LIFR: variants seen among roughly 807,000 people sequenced by gnomAD.
LIFR encodes the protein LIF receptor subunit alpha.
LIFR carries 84 observed loss-of-function variants against 122.2 expected under a neutral mutation model. The observed-to-expected ratio is 0.69, with a 90% confidence interval of 0.58 to 0.82. The LOEUF is 0.82. Among genes scored for constraint, LIFR ranks in the 40% least tolerant of loss-of-function variants. The pLI is 0.00. For synonymous variants in LIFR, 422 were observed against 434.7 expected (o/e 0.97, Z 0.36); for missense variants, 1,294 against 1,311.6 (o/e 0.99, Z 0.21).
chr5:38,538,307 A>G (rs1667821417), intron 1 of LIFR, among the ~76,000 whole-genome samples: 1 of 152,190 alleles, frequency 6.6e-6, no homozygotes, highest in Non-Finnish European at 1.5e-5. Context: ...TGGCTATAAC[A>G]TCACTTGTAT....
rs1003571375 is a variant in LIFR at position 38,474,873 on chromosome 5, T to C, written c.*6722A>G. On this transcript the variant is annotated 3_prime_UTR_variant, in exon 20 of 20. Coordinates refer to ENST00000453190, the MANE Select transcript of LIFR (RefSeq NM_001127671.2). ...TACAACCACTGTATTTCTTACGGGA[T>C]AGAACAAAAAAATACAACAACAAAG... is the stretch of plus-strand genomic sequence containing the variant. The C allele has an allele frequency of 2.6e-5, 4 of 154,354 alleles. No individual in the cohort carries two copies. Among genetic ancestry groups the C allele is most frequent in the African/African-American group, 9.6e-5 (4 of 41,502 alleles). The allele number at this position is 154,354 out of a possible 1,614,324, so 9.6% of individuals were successfully genotyped here.
At chr5:38,513,875 C>T (rs1474421806) in intron 5 of LIFR, among the ~76,000 whole-genome samples, 4 of 151,368 alleles carry the variant, frequency 2.6e-5, no homozygotes, top group Admixed American at 1.3e-4. Flanking sequence ...AGAAAGTGTA[C>T]AAGAAATTCT....
chr5:38,593,601 G>C (rs1243138143), intron 1 of LIFR, among the ~76,000 whole-genome samples: 2 of 152,122 alleles, frequency 1.3e-5, no homozygotes, highest in Non-Finnish European at 2.9e-5. Flanking sequence ...GGGTAGATGA[G>C]AGGGGCACAT....
chr5:38,541,079 G>C (rs944673886), intron 1 of LIFR, among the ~76,000 whole-genome samples: 5 of 151,996 alleles, frequency 3.3e-5, no homozygotes, highest in Non-Finnish European at 5.9e-5. Context: ...AAAATCTTAA[G>C]CATCATCTTA....
intron 1 of LIFR, among the ~76,000 whole-genome samples, chr5:38,574,334 C>A (rs1343453102): frequency 5.9e-5 from 9 of 152,108 alleles, no homozygotes; most frequent in African/African-American, 2.2e-4. Context: ...CTTGGCCTGG[C>A]TCATGTCTAC....
Position 38,530,563 on chromosome 5 carries a change from GC to G in LIFR, c.84del (p.Trp28CysfsTer11). 1 of 1,612,858 alleles carries G rather than the reference GC, an allele frequency of 6.2e-7. No homozygotes were observed. Among genetic ancestry groups the G allele is most frequent in the Non-Finnish European group, 8.5e-7 (1 of 1,178,892 alleles). On this transcript the variant is annotated frameshift_variant, in exon 2 of 20. Transcript: ENST00000453190. LOFTEE classifies it high-confidence loss of function. ...TATAGAAGAATAAATGTTGATAACA[GC>G]CACTGGAAATTTGAAGCAGTCCTCA... ...KRMRTASNFQ[W>X]LLSTFILLYL...
intron 4 of LIFR, 133 bp from the exon 5 acceptor site, chr5:38,523,715 GA>G (rs1746527743): frequency 1.4e-6 from 1 of 737,402 alleles, no homozygotes; most frequent in Non-Finnish European, 2.3e-6. Context: ...GATTTAAAAG[GA>G]AACTCTAGAA....
chr5:38,602,623 A>C (rs1410703315), intron 2 of LIFR, among the ~76,000 whole-genome samples: 2 of 152,038 alleles, frequency 1.3e-5, no homozygotes, highest in Non-Finnish European at 2.9e-5. Context: ...TGAGTTCTTC[A>C]AGGACAGGGG....
intron 11 of LIFR, among the ~76,000 whole-genome samples, chr5:38,501,608 C>T (rs759176526): frequency 6.6e-6 from 1 of 151,850 alleles, no homozygotes; most frequent in African/African-American, 2.4e-5. Flanking sequence ...AAAAATTAGC[C>T]GGGCGTGGTG....
chr5:38,510,608 C>T lies in LIFR; in HGVS notation c.847G>A (p.Gly283Ser). 1.2e-6 allele frequency: 2 copies of T among 1,613,992 alleles called. No individual in the cohort carries two copies. The highest frequency in any genetic ancestry group is 1.7e-6 in the Non-Finnish European group (2 of 1,179,946). Residue 283 changes from glycine (G) to serine (S), a missense_variant, in exon 7 of 20, where the codon GGC (glycine) becomes AGC (serine). Coordinates refer to ENST00000453190, the MANE Select transcript of LIFR (RefSeq NM_001127671.2). Reference protein sequence around the residue: ...SQEKVLSALIGHTNCPLIHLD... With the variant: ...SQEKVLSALISHTNCPLIHLD... Reference sequence around the variant, plus strand: ...TGGATCAAGGGGCAGTTTGTATGGCCAATCAGTGCTGATAACACTTTTTCT... The same window carrying T: ...TGGATCAAGGGGCAGTTTGTATGGCTAATCAGTGCTGATAACACTTTTTCT...
intron 1 of LIFR, among the ~76,000 whole-genome samples, chr5:38,549,996 C>T (rs1177248313): frequency 1.3e-5 from 2 of 152,106 alleles, no homozygotes; most frequent in African/African-American, 2.4e-5. Context: ...GAGTATGGTG[C>T]ACAAATGCAC....
intron 1 of LIFR, among the ~76,000 whole-genome samples, chr5:38,538,326 C>T (rs1398687398): frequency 6.6e-6 from 1 of 152,196 alleles, no homozygotes; most frequent in Admixed American, 6.5e-5. Context: ...ATGCTAATTA[C>T]TTCCAAATCC....
chr5:38,506,740 TTAC>T (rs1745508357), intron 7 of LIFR, 108 bp from the exon 8 acceptor site: 1 of 926,470 alleles, frequency 1.1e-6, no homozygotes, highest in African/African-American at 1.7e-5. Flanking sequence ...ATGAAATAAT[TTAC>T]TATTTACATT....
upstream of LIFR, among the ~76,000 whole-genome samples, chr5:38,560,129 G>C (rs1411838679): frequency 1.3e-5 from 2 of 151,744 alleles, no homozygotes; most frequent in Non-Finnish European, 2.9e-5. Context: ...TTATCAGTCA[G>C]CAGGAGAAGA....
intron 2 of LIFR, among the ~76,000 whole-genome samples, chr5:38,529,350 G>A (rs1746877718): frequency 6.6e-6 from 1 of 152,048 alleles, no homozygotes; most frequent in Non-Finnish European, 1.5e-5. Context: ...GAAACTCCTA[G>A]TCACCCCCAC....
rs977901466 is a variant in LIFR, at chr5:38,476,398, G to C, written c.*5197C>G. 4.8e-6 allele frequency: 1 copy of C among 208,414 alleles called. No individual in the cohort carries two copies. Among genetic ancestry groups the C allele is most frequent in the African/African-American group, 2.3e-5 (1 of 43,936 alleles). The allele number at this position is 208,414 out of a possible 1,614,324, so 12.9% of individuals were successfully genotyped here. The stretch of plus-strand genomic sequence containing the variant: ...AGCTGAAAGTTACCCATTTAAAATG[G>C]AATAATTCTTAACGGAAGTACACTT... On this transcript the variant is annotated 3_prime_UTR_variant, in exon 20 of 20. Coordinates refer to ENST00000453190, the MANE Select transcript of LIFR (RefSeq NM_001127671.2).
intron 6 of LIFR, among the ~76,000 whole-genome samples, chr5:38,511,454 A>G (rs1319994092): frequency 2.6e-5 from 4 of 151,494 alleles, no homozygotes; most frequent in South Asian, 2.1e-4. Flanking sequence ...TCTGTGAGCC[A>G]GAAATTGGGA....
chr5:38,490,246 C>T lies in LIFR; in HGVS notation c.2111G>A (p.Cys704Tyr). ...TAATAATTGATATCCTTGATTTCTG[C>T]ATCCATACAGGAAAAAATTATATCT... ...GIRYNFFLYG[C>Y]RNQGYQLLRS... Residue 704 changes from cysteine to tyrosine, a missense_variant, in exon 15 of 20, where the codon TGC becomes TAC. Physicochemically the swap from Cys to Tyr is radical, Grantham distance 194. Coordinates refer to ENST00000453190, the MANE Select transcript of LIFR (RefSeq NM_001127671.2). 1 of 1,585,528 alleles carries T rather than the reference C, an allele frequency of 6.3e-7. No homozygotes were observed. The highest frequency in any genetic ancestry group is 8.6e-7 in the Non-Finnish European group (1 of 1,156,530).
chr5:38,553,621 A>ATTAT (rs1748324229), intron 1 of LIFR, among the ~76,000 whole-genome samples: 1 of 48,458 alleles, frequency 2.1e-5, no homozygotes, highest in Non-Finnish European at 4.1e-5. Context: ...GACCATTTAA[A>ATTAT]CTATATATAT....
Sources: gnomAD v4.1 joint callset for allele counts (sites outside exome capture counted in the v4.1 genomes callset) on GRCh38, gnomAD v4.1.1 for gene constraint, MANE v1.5 for transcripts, NCBI Gene and HGNC (gene_info 2026-07-23, HGNC 2026-07-21) for gene names.